AGBL4: variants seen among roughly 807,000 people sequenced by gnomAD.
AGBL4 encodes cytosolic carboxypeptidase 6.
Under a neutral mutation model 66.4 loss-of-function variants are expected in AGBL4, and 58 were observed. The ratio of observed to expected loss-of-function variants is 0.87; its 90% CI spans 0.71 to 1.09. The LOEUF (loss-of-function observed/expected upper bound fraction) is 1.09. Ranked by LOEUF, AGBL4 falls within the 50% of genes least tolerant of loss-of-function variation. The pLI, the probability that AGBL4 is intolerant of heterozygous loss-of-function variation, is 0.00. For missense variants in AGBL4, 579 were observed against 631.0 expected (o/e 0.92, Z 0.88); for synonymous variants, 234 against 222.9 (o/e 1.05, Z -0.44).
At chr1:49,015,627 T>C (rs12142525) in intron 5 of AGBL4, among the ~76,000 whole-genome samples, 389 of 151,750 alleles carry the variant, frequency 2.6e-3, no homozygotes, top group Non-Finnish European at 3.9e-3. Context: ...GGTTTCACCA[T>C]GTTAGCCAGG....
intron 10 of AGBL4, among the ~76,000 whole-genome samples, chr1:48,589,036 C>G (rs528288583): frequency 2.6e-5 from 4 of 152,282 alleles, no homozygotes; most frequent in African/African-American, 9.6e-5. Flanking sequence ...TATGACCCAG[C>G]CTTCCAGGGA....
At chr1:49,687,514 G>A (rs1006106259) in intron 3 of AGBL4, among the ~76,000 whole-genome samples, 16 of 152,074 alleles carry the variant, frequency 1.1e-4, no homozygotes, top group African/African-American at 3.4e-4. Context: ...GTTCATGTCC[G>A]CAATCCCAGC....
chr1:48,714,902 A>G (rs985965349), intron 6 of AGBL4, among the ~76,000 whole-genome samples: 2 of 152,244 alleles, frequency 1.3e-5, no homozygotes, highest in African/African-American at 4.8e-5. Context: ...TTCAGCCCCT[A>G]TGATATGCTA....
At chr1:49,599,450 T>C (rs1644912028) in intron 3 of AGBL4, among the ~76,000 whole-genome samples, 1 of 152,194 alleles carries the variant, frequency 6.6e-6, no homozygotes, top group African/African-American at 2.4e-5. Context: ...AGTGGTGATA[T>C]CCCCTTTATC....
At chr1:48,629,431 A>G in intron 9 of AGBL4, among the ~76,000 whole-genome samples, 1 of 152,170 alleles carries the variant, frequency 6.6e-6, no homozygotes, top group Non-Finnish European at 1.5e-5. Flanking sequence ...AGAATTGGAA[A>G]GAGAGACCTG....
chr1:49,242,443 C>G (rs1352673039), intron 4 of AGBL4, among the ~76,000 whole-genome samples: 1 of 151,998 alleles, frequency 6.6e-6, no homozygotes, highest in Non-Finnish European at 1.5e-5. Flanking sequence ...AACTTGGAAT[C>G]ATGTGATTTC....
intron 3 of AGBL4, among the ~76,000 whole-genome samples, chr1:49,585,928 T>C (rs2124026988): frequency 1.3e-5 from 2 of 152,172 alleles, no homozygotes; most frequent in South Asian, 2.1e-4. Context: ...TTCCCATTTT[T>C]CCCCCCTGAA....
intron 2 of AGBL4, among the ~76,000 whole-genome samples, chr1:49,767,658 A>C (rs2147875701): frequency 6.6e-6 from 1 of 152,212 alleles, no homozygotes; most frequent in East Asian, 1.9e-4. Context: ...GATCAACAAA[A>C]CCAAAAGCTG....
intron 3 of AGBL4, among the ~76,000 whole-genome samples, chr1:49,401,247 T>C (rs1421794320): frequency 1.3e-5 from 2 of 152,146 alleles, no homozygotes; most frequent in Non-Finnish European, 2.9e-5. Context: ...AAGCACCTTA[T>C]AAAACTATCA....
intron 1 of AGBL4, among the ~76,000 whole-genome samples, chr1:49,961,138 C>A (rs777589219): frequency 6.6e-6 from 1 of 151,994 alleles, no homozygotes; most frequent in African/African-American, 2.4e-5. Context: ...TTGGAAAGAT[C>A]CATGTAGTAG....
At chr1:48,985,562 C>T (rs780325122) in intron 5 of AGBL4, among the ~76,000 whole-genome samples, 21 of 152,184 alleles carry the variant, frequency 1.4e-4, no homozygotes, top group Non-Finnish European at 2.9e-4. Flanking sequence ...AAGGGACTGG[C>T]CTCAGTGGTA....
chr1:49,687,969 A>C (rs1333386352), intron 3 of AGBL4, among the ~76,000 whole-genome samples: 1 of 152,108 alleles, frequency 6.6e-6, no homozygotes, highest in African/African-American at 2.4e-5. Flanking sequence ...TATGTTTATA[A>C]GGTATATGAG....
At chr1:49,549,685 C>G (rs1039787042) in intron 3 of AGBL4, among the ~76,000 whole-genome samples, 1 of 151,956 alleles carries the variant, frequency 6.6e-6, no homozygotes, top group African/African-American at 2.4e-5. Flanking sequence ...TATTAAGGCT[C>G]GTTTTATGGC....
At chr1:49,825,654 C>T (rs1263579248) in intron 2 of AGBL4, among the ~76,000 whole-genome samples, 1 of 152,056 alleles carries the variant, frequency 6.6e-6, no homozygotes, top group African/African-American at 2.4e-5. Context: ...GTGGGTAGAC[C>T]TCATCCAATC....
chr1:48,851,524 G>T (rs1378415398), intron 6 of AGBL4, among the ~76,000 whole-genome samples: 1 of 152,116 alleles, frequency 6.6e-6, no homozygotes, highest in Non-Finnish European at 1.5e-5. Context: ...TCTAAGGCTG[G>T]AACTGAGCCC....
chr1:48,547,181 G>T (rs761331993), intron 11 of AGBL4, among the ~76,000 whole-genome samples: 3 of 152,146 alleles, frequency 2.0e-5, no homozygotes, highest in Non-Finnish European at 4.4e-5. Flanking sequence ...GGAAGCTACT[G>T]AAGAGTTTGA....
intron 2 of AGBL4, among the ~76,000 whole-genome samples, chr1:49,769,979 TAA>T (rs1644008964): frequency 6.6e-6 from 1 of 152,194 alleles, no homozygotes; most frequent in Non-Finnish European, 1.5e-5. Flanking sequence ...CTAATTAAAC[TAA>T]AGAGCTTATG....
chr1:48,776,939 G>C, intron 6 of AGBL4: 1 of 567,070 alleles, frequency 1.8e-6, no homozygotes, highest in Non-Finnish European at 2.9e-6. Context: ...TGGGGGGGGC[G>C]GGGGCGGCTC....
chr1:49,777,760 C>T (rs755374562), intron 2 of AGBL4, among the ~76,000 whole-genome samples: 9 of 151,988 alleles, frequency 5.9e-5, no homozygotes, highest in Admixed American at 3.9e-4. Context: ...GGAAGGATTC[C>T]GGGAATGGTG....
Sources: gnomAD v4.1 joint callset for allele counts (sites outside exome capture counted in the v4.1 genomes callset) on GRCh38, gnomAD v4.1.1 for gene constraint, MANE v1.5 for transcripts, NCBI Gene and HGNC (gene_info 2026-07-23, HGNC 2026-07-21) for gene names.